The following TENM1 variants were observed in gnomAD, a reference collection of about 807,000 sequenced individuals.
TENM1 encodes teneurin-1.
A neutral mutation model predicts 174.8 loss-of-function variants in TENM1; 35 were observed. The observed-to-expected ratio is 0.20, with a 90% confidence interval of 0.15 to 0.27. The LOEUF (loss-of-function observed/expected upper bound fraction) is 0.27. TENM1 is among the 10% of genes least tolerant of loss of function. The pLI is 1.00. For synonymous variants in TENM1, 781 were observed against 798.7 expected (o/e 0.98, Z 0.37); for missense variants, 1,633 against 2,130.1 (o/e 0.77, Z 4.59).
exon 31 of TENM1, chrX:124,382,778 T>C (rs185102844): frequency 1.7e-5 from 20 of 1,201,683 alleles, no homozygotes; most frequent in East Asian, 1.2e-4. Context: ...CATTGTGTAA[T>C]TGGAAACCAA....
At chrX:124,826,116 G>T (rs2056154601) in intron 3 of TENM1, among the ~76,000 whole-genome samples, 1 of 111,482 alleles carries the variant, frequency 9.0e-6, no homozygotes, top group Non-Finnish European at 1.9e-5. Flanking sequence ...GCTCAATGTA[G>T]AATTATTTAG....
At chrX:125,180,951 T>C in the TENM1 span, among the ~76,000 whole-genome samples, 3 of 111,747 alleles carry the variant, frequency 2.7e-5, no homozygotes, top group Non-Finnish European at 5.6e-5. Context: ...CTCACATGCC[T>C]GGTCCTAGTA....
chrX:124,508,674 C>T (rs1167894009), intron 18 of TENM1, among the ~76,000 whole-genome samples: 1 of 112,098 alleles, frequency 8.9e-6, no homozygotes, highest in Non-Finnish European at 1.9e-5. Context: ...AGGTTCCGTA[C>T]AGTAAAACCT....
chrX:124,962,922 A>T (rs767730286), intron 1 of TENM1, among the ~76,000 whole-genome samples: 1 of 112,771 alleles, frequency 8.9e-6, no homozygotes, highest in South Asian at 3.6e-4. Context: ...AACACAGTTT[A>T]TCTATCAATT....
the TENM1 span, among the ~76,000 whole-genome samples, chrX:125,001,898 T>C: frequency 1.1e-5 from 1 of 90,609 alleles, no homozygotes; most frequent in African/African-American, 4.1e-5. Context: ...CAGCTCTCTC[T>C]ACCTCCAGTC....
chrX:124,924,501 G>T, intron 1 of TENM1, among the ~76,000 whole-genome samples: 1 of 111,364 alleles, frequency 9.0e-6, no homozygotes, highest in East Asian at 2.8e-4. Flanking sequence ...AGAGCTTTGT[G>T]CTAGGCATGA....
chrX:124,425,264 G>A (rs2060698456), intron 23 of TENM1, among the ~76,000 whole-genome samples: 1 of 111,483 alleles, frequency 9.0e-6, no homozygotes, highest in Admixed American at 9.5e-5. Context: ...AATTTTTTGA[G>A]GAAACTCCAT....
intron 23 of TENM1, among the ~76,000 whole-genome samples, chrX:124,443,315 G>C (rs767654289): frequency 7.2e-5 from 8 of 110,972 alleles, no homozygotes; most frequent in Admixed American, 5.8e-4. Context: ...TGCTGCTTGG[G>C]GCAGGTGGTA....
At chrX:124,757,576 T>C (rs2054295026) in intron 3 of TENM1, among the ~76,000 whole-genome samples, 1 of 112,460 alleles carries the variant, frequency 8.9e-6, no homozygotes, top group Admixed American at 9.4e-5. Flanking sequence ...AAATCAGCCG[T>C]CTTCTGCGTC....
chrX:124,820,053 C>T (rs990727023), intron 3 of TENM1, among the ~76,000 whole-genome samples: 1 of 110,885 alleles, frequency 9.0e-6, no homozygotes, highest in African/African-American at 3.3e-5. Flanking sequence ...TCCCAAAGCG[C>T]TGGGTGCTGG....
chrX:125,028,190 G>T, the TENM1 span, among the ~76,000 whole-genome samples: 1 of 111,475 alleles, frequency 9.0e-6, no homozygotes, highest in African/African-American at 3.3e-5. Flanking sequence ...ATTAAATTCT[G>T]GGAAAAGTCT....
chrX:125,108,733 TAC>T, the TENM1 span, among the ~76,000 whole-genome samples: 29 of 90,646 alleles, frequency 3.2e-4, no homozygotes, highest in African/African-American at 1.3e-3. Flanking sequence ...TATATATATA[TAC>T]ACACACACAC....
At chrX:124,390,217 C>T (rs12833002) in intron 28 of TENM1, among the ~76,000 whole-genome samples, 1 of 112,046 alleles carries the variant, frequency 8.9e-6, no homozygotes, top group Non-Finnish European at 1.9e-5. Context: ...TCAGTGAATT[C>T]GGAAAAGAGA....
the TENM1 span, among the ~76,000 whole-genome samples, chrX:125,089,616 T>A: frequency 8.9e-6 from 1 of 111,862 alleles, no homozygotes; most frequent in African/African-American, 3.2e-5. Flanking sequence ...GTCTCTTAGT[T>A]GGTGGCTGGA....
At chrX:125,030,891 T>A in the TENM1 span, among the ~76,000 whole-genome samples, 1 of 111,885 alleles carries the variant, frequency 8.9e-6, no homozygotes, top group East Asian at 2.8e-4. Context: ...ATGTTTTGGA[T>A]ATATATTCCT....
the TENM1 span, among the ~76,000 whole-genome samples, chrX:124,991,856 T>A: frequency 5.4e-5 from 6 of 111,387 alleles, no homozygotes; most frequent in African/African-American, 1.3e-4. Flanking sequence ...CTAGACTTGT[T>A]CTGAGCCTAT....
rs2050704315 is a variant in TENM1, at chrX:124,629,221, G to A, written c.2077+12570C>T. Among the ~76,000 whole-genome samples, 4 of 112,401 alleles carry A rather than the reference G, an allele frequency of 3.6e-5. No individual in the cohort carries two copies. The South Asian group carries it at 1.5e-3, about 41-fold the overall frequency. On this transcript the variant is annotated intron_variant, in intron 11 of 31. Transcript: ENST00000422452. ...AATGTGATTTTATAATAAACAGCAT[G>A]GCTCAAAGTAAAGGTAGTGAAGAGG... is the stretch of plus-strand genomic sequence containing the variant.
At chrX:124,844,430 T>G (rs2056567253) in intron 3 of TENM1, among the ~76,000 whole-genome samples, 1 of 111,561 alleles carries the variant, frequency 9.0e-6, no homozygotes, top group South Asian at 3.8e-4. Flanking sequence ...TAAGAGGAAG[T>G]TCCCCTTCCG....
chrX:125,125,745 G>C, the TENM1 span, among the ~76,000 whole-genome samples: 2 of 111,760 alleles, frequency 1.8e-5, no homozygotes, highest in Non-Finnish European at 3.8e-5. Flanking sequence ...GCACTATCTT[G>C]AGGAGGCAGG....
Sources: gnomAD v4.1 joint callset for allele counts (sites outside exome capture counted in the v4.1 genomes callset) on GRCh38, gnomAD v4.1.1 for gene constraint, MANE v1.5 for transcripts, NCBI Gene and HGNC (gene_info 2026-07-23, HGNC 2026-07-21) for gene names.